The following HMCN1 variants were observed in gnomAD, a reference collection of about 807,000 sequenced individuals.
HMCN1 encodes the protein hemicentin-1.
In HMCN1, 321 loss-of-function variants were observed where a neutral mutation model predicts 625.9. The ratio of observed to expected loss-of-function variants is 0.51; its 90% CI spans 0.47 to 0.56. The LOEUF (loss-of-function observed/expected upper bound fraction) is 0.56. HMCN1 is among the 20% of genes least tolerant of loss of function. The pLI is 0.00. For synonymous variants in HMCN1, 2,425 were observed against 2,417.6 expected (o/e 1.00, Z -0.09); for missense variants, 6,588 against 6,887.3 (o/e 0.96, Z 1.54).
At position 186,120,110 on chromosome 1, in the gene HMCN1, G is replaced by T. The variant is rs780743465; in HGVS notation, c.12194G>T (p.Gly4065Val). 3 of 1,613,934 alleles carry T rather than the reference G, an allele frequency of 1.9e-6. No individual in the cohort carries two copies. In the South Asian group the frequency reaches 3.3e-5, roughly 18 times the overall value. The part of the protein sequence containing the change: ...TYMCVAQNPA[G>V]TALGKIKLNV... ...ATGTGTGTGGCCCAGAACCCGGCTGGTACAGCCTTGGGCAAAATCAAGTTA... is the reference window on the plus strand; with the variant it reads ...ATGTGTGTGGCCCAGAACCCGGCTGTTACAGCCTTGGGCAAAATCAAGTTA... The change falls in exon 80 of 107, where the codon GGT becomes GTT. Residue 4065 changes from glycine (G) to valine (V), a missense_variant. By Grantham distance (109) the Gly-to-Val change is moderately radical. Around this residue, in one of 3 missense-constraint regions of HMCN1, gnomAD observed 1,954 missense variants for 2,013.1 expected, o/e 0.97. Transcript: ENST00000271588.
At chr1:185,899,522 A>T (rs541389138) in intron 4 of HMCN1, among the ~76,000 whole-genome samples, 1 of 152,214 alleles carries the variant, frequency 6.6e-6, no homozygotes, top group East Asian at 1.9e-4. Flanking sequence ...GTAACTCTTT[A>T]TAATTTCGTA....
At position 186,090,811 on chromosome 1, in the gene HMCN1, G is replaced by A; in HGVS notation, c.9781G>A (p.Gly3261Arg). Residue 3261 changes from glycine to arginine, a missense_variant, in exon 64 of 107, where the codon GGA (glycine) becomes AGA (arginine). Coordinates refer to ENST00000271588, the MANE Select transcript of HMCN1 (RefSeq NM_031935.3). Reference protein sequence around the residue: ...EIPSDVSVLLGENVELVCNAN... With the variant: ...EIPSDVSVLLRENVELVCNAN... Reference sequence around the variant, plus strand: ...TCCAAGTGATGTCAGTGTCCTTCTAGGAGAAAATGTTGAGCTGGTCTGCAA... The same window carrying A: ...TCCAAGTGATGTCAGTGTCCTTCTAAGAGAAAATGTTGAGCTGGTCTGCAA... 6.2e-7 allele frequency: 1 copy of A among 1,612,612 alleles called. No homozygotes were observed. Among genetic ancestry groups the A allele is most frequent in the Non-Finnish European group, 8.5e-7 (1 of 1,179,056 alleles).
intron 4 of HMCN1, among the ~76,000 whole-genome samples, chr1:185,882,390 G>A (rs1664364023): frequency 6.8e-6 from 1 of 147,354 alleles, no homozygotes; most frequent in South Asian, 2.2e-4. Context: ...CTTTGATTTT[G>A]CAGCTAAGTG....
At chr1:185,948,416 AT>A (rs1320693271) in intron 11 of HMCN1, among the ~76,000 whole-genome samples, 1 of 149,082 alleles carries the variant, frequency 6.7e-6, no homozygotes, top group African/African-American at 2.5e-5. Flanking sequence ...GTTTTATAGG[AT>A]TTGGGTAGGT....
At chr1:185,856,036 C>T (rs1242977083) in intron 2 of HMCN1, among the ~76,000 whole-genome samples, 1 of 152,184 alleles carries the variant, frequency 6.6e-6, no homozygotes, top group South Asian at 2.1e-4. Flanking sequence ...ATGTCACTGA[C>T]GAACTCTGTA....
intron 29 of HMCN1, among the ~76,000 whole-genome samples, chr1:186,006,485 A>C (rs985217905): frequency 1.3e-5 from 2 of 152,178 alleles, no homozygotes; most frequent in African/African-American, 4.8e-5. Context: ...AGCGTTTTAT[A>C]GTAGTCAGTA....
chr1:185,863,535 A>G (rs1178292614), intron 2 of HMCN1, among the ~76,000 whole-genome samples: 2 of 152,234 alleles, frequency 1.3e-5, no homozygotes, highest in Admixed American at 6.5e-5. Context: ...ATGTTATGCC[A>G]TTATTCAAAC....
intron 28 of HMCN1, among the ~76,000 whole-genome samples, chr1:186,002,230 G>A (rs1653248460): frequency 6.6e-6 from 1 of 152,032 alleles, no homozygotes; most frequent in South Asian, 2.1e-4. Context: ...TAAGTAGGTA[G>A]CAGCTGTAAT....
intron 97 of HMCN1, among the ~76,000 whole-genome samples, chr1:186,162,236 A>C (rs1202036893): frequency 2.0e-5 from 3 of 151,946 alleles, no homozygotes; most frequent in South Asian, 2.1e-4. Context: ...TGCATTCTTC[A>C]CGTAGTTCTC....
At chr1:185,989,167 C>G (rs1240576158) in intron 20 of HMCN1, among the ~76,000 whole-genome samples, 1 of 151,882 alleles carries the variant, frequency 6.6e-6, no homozygotes, top group Non-Finnish European at 1.5e-5. Context: ...GCCACCTCGC[C>G]CGGCTAATTT....
chr1:185,792,002 A>G (rs568102079), intron 1 of HMCN1, among the ~76,000 whole-genome samples: 1 of 152,312 alleles, frequency 6.6e-6, no homozygotes, highest in Admixed American at 6.5e-5. Context: ...AATGCCTACT[A>G]TCTTCCAAGC....
chr1:186,034,927 A>C (rs1186057565), intron 36 of HMCN1, among the ~76,000 whole-genome samples: 2 of 152,100 alleles, frequency 1.3e-5, no homozygotes, highest in African/African-American at 4.8e-5. Flanking sequence ...TTCTCTAGTG[A>C]AGTGAGAAAT....
At chr1:185,919,891 A>G (rs1666915888) in intron 6 of HMCN1, among the ~76,000 whole-genome samples, 1 of 152,200 alleles carries the variant, frequency 6.6e-6, no homozygotes, top group African/African-American at 2.4e-5. Context: ...CTTTATATAT[A>G]GTGTGCATTT....
chr1:186,115,492 G>A lies in HMCN1; in HGVS notation c.11561+78G>A. 4 of 1,327,350 alleles carry A rather than the reference G, an allele frequency of 3.0e-6. 1 individual carries two copies. In the Middle Eastern group the frequency reaches 7.9e-4, roughly 262 times the overall value. The allele number at this position is 1,327,350 out of a possible 1,614,324, so 82.2% of individuals were successfully genotyped here. On this transcript the variant is annotated intron_variant, in intron 75 of 106. Coordinates refer to ENST00000271588, the MANE Select transcript of HMCN1 (RefSeq NM_031935.3). ...TCAACATTTTAATTCTATCAGTGGG[G>A]TCAGCAAATATATAGACTATAACAA...
rs149049922 is a variant in HMCN1 at position 185,982,377 on chromosome 1, G to A, written c.2778G>A (p.Lys926=). The A allele has an allele frequency of 9.5e-5, 154 of 1,613,206 alleles. No homozygotes were observed. In the African/African-American group the frequency reaches 1.9e-3, roughly 20 times the overall value. ...GNPIPERRWI[K]NSAMLLQNPY... ...CCATTCCAGAACGTCGGTGGATTAAGAATTCAGCTATGGTAAGAACATTTT... is the reference window on the plus strand; with the variant it reads ...CCATTCCAGAACGTCGGTGGATTAAAAATTCAGCTATGGTAAGAACATTTT... Residue 926 remains lysine (K), a synonymous_variant, in exon 18 of 107, where the codon AAG becomes AAA. Transcript: ENST00000271588.
chr1:186,006,555 A>G (rs1397912025), intron 29 of HMCN1, among the ~76,000 whole-genome samples: 1 of 152,088 alleles, frequency 6.6e-6, no homozygotes, highest in East Asian at 1.9e-4. Context: ...TTCTTTTGAC[A>G]TAAATATCTT....
intron 84 of HMCN1, 69 bp downstream of exon 84, chr1:186,130,169 A>AT: frequency 6.3e-7 from 1 of 1,592,972 alleles, no homozygotes; most frequent in South Asian, 1.1e-5. Context: ...TTGCTTCTTT[A>AT]TTTTATGGTA....
At chr1:186,064,286 CTT>C (rs753501083) in intron 48 of HMCN1, among the ~76,000 whole-genome samples, 2 of 151,730 alleles carry the variant, frequency 1.3e-5, no homozygotes, top group Admixed American at 6.6e-5. Flanking sequence ...TAATTTAAAA[CTT>C]AATATTTAAC....
chr1:185,749,698 C>T (rs1388625914), intron 1 of HMCN1, among the ~76,000 whole-genome samples: 1 of 152,214 alleles, frequency 6.6e-6, no homozygotes, highest in Non-Finnish European at 1.5e-5. Flanking sequence ...TCTCCCTCTA[C>T]AGGTACTCCT....
Sources: gnomAD v4.1 joint callset for allele counts (sites outside exome capture counted in the v4.1 genomes callset) on GRCh38, gnomAD v4.1.1 for gene constraint, gnomAD v4.1.1 regional missense constraint, MANE v1.5 for transcripts, NCBI Gene and HGNC (gene_info 2026-07-23, HGNC 2026-07-21) for gene names.